Variants in GLIS3 observed in about 807,000 individuals in gnomAD.
GLIS3 encodes GLIS family zinc finger 3, also known as zinc finger protein GLIS3.
Under a neutral mutation model 78.6 loss-of-function variants are expected in GLIS3, and 53 were observed. That is an observed-to-expected ratio of 0.67 (90% CI 0.54 to 0.85). GLIS3 has a LOEUF of 0.85. GLIS3 is among the 40% of genes least tolerant of loss of function. GLIS3 has a pLI of 0.00. For missense variants in GLIS3, 1,703 were observed against 1,231.1 expected (o/e 1.38, Z -5.74); for synonymous variants, 684 against 509.9 (o/e 1.34, Z -4.60).
intron 4 of GLIS3, among the ~76,000 whole-genome samples, chr9:4,027,748 C>G (rs1287629908): frequency 6.6e-6 from 1 of 152,196 alleles, no homozygotes; most frequent in East Asian, 1.9e-4. Context: ...AGCCTCCTAA[C>G]CAGTCCATTA....
the GLIS3 span, among the ~76,000 whole-genome samples, chr9:4,358,385 C>G: frequency 6.6e-6 from 1 of 152,052 alleles, no homozygotes; most frequent in Admixed American, 6.5e-5. Context: ...AGGTACCAAG[C>G]AATGTCCCAA....
chr9:4,363,251 C>T, the GLIS3 span, among the ~76,000 whole-genome samples: 101 of 152,166 alleles, frequency 6.6e-4, 1 homozygote, highest in African/African-American at 2.2e-3. Flanking sequence ...GGTAAAACCC[C>T]GTCTCTACTA....
Position 3,851,597 on chromosome 9 carries a change from G to A in GLIS3, c.2473+4412C>T, listed in dbSNP as rs75671853. 5.9e-3 allele frequency among the ~76,000 whole-genome samples: 896 copies of A among 152,192 alleles called. 10 individuals carry two copies. The highest frequency in any genetic ancestry group is 0.018 in the African/African-American group (729 of 41,508). The stretch of plus-strand genomic sequence containing the variant: ...CAAAGTGTGCCTTTTACAAAATGCC[G>A]CAACAAAAATATAGGGAGAGCACAC... On this transcript the variant is annotated intron_variant, in intron 9 of 10. Coordinates refer to ENST00000381971, the MANE Select transcript of GLIS3 (RefSeq NM_001042413.2).
intron 4 of GLIS3, among the ~76,000 whole-genome samples, chr9:4,078,265 G>A (rs1828244770): frequency 6.6e-6 from 1 of 152,088 alleles, no homozygotes; most frequent in Non-Finnish European, 1.5e-5. Flanking sequence ...AAGCAGTGGT[G>A]CTTTGGCTAA....
intron 2 of GLIS3, among the ~76,000 whole-genome samples, chr9:4,199,655 A>C (rs568373989): frequency 3.3e-5 from 5 of 152,200 alleles, no homozygotes; most frequent in South Asian, 2.1e-4. Context: ...CATACTCATA[A>C]AACAAGTACT....
chr9:4,138,463 C>A (rs1267694295), intron 2 of GLIS3, among the ~76,000 whole-genome samples: 1 of 152,158 alleles, frequency 6.6e-6, no homozygotes, highest in Non-Finnish European at 1.5e-5. Context: ...AGGAAAAGAT[C>A]TGAATACACT....
At chr9:4,168,624 T>A (rs1480331998) in intron 2 of GLIS3, among the ~76,000 whole-genome samples, 1 of 152,232 alleles carries the variant, frequency 6.6e-6, no homozygotes, top group African/African-American at 2.4e-5. Flanking sequence ...AATAAAAACA[T>A]TTTGAGAAAT....
intron 4 of GLIS3, among the ~76,000 whole-genome samples, chr9:4,110,310 T>C (rs545513055): frequency 2.0e-5 from 3 of 152,326 alleles, no homozygotes; most frequent in African/African-American, 7.2e-5. Context: ...CTCACCCTAA[T>C]TGTAGAGCAT....
intron 4 of GLIS3, among the ~76,000 whole-genome samples, chr9:4,069,635 C>G (rs1435239525): frequency 6.6e-6 from 1 of 152,010 alleles, no homozygotes; most frequent in African/African-American, 2.4e-5. Flanking sequence ...TGCCTACCTT[C>G]AGATTGAGGT....
chr9:4,091,249 C>T (rs1829474524), intron 4 of GLIS3, among the ~76,000 whole-genome samples: 1 of 151,804 alleles, frequency 6.6e-6, no homozygotes, highest in African/African-American at 2.4e-5. Flanking sequence ...CATCTGTAGT[C>T]CCAGCTACTT....
chr9:4,043,377 G>A (rs1824988590), intron 4 of GLIS3, among the ~76,000 whole-genome samples: 2 of 152,064 alleles, frequency 1.3e-5, no homozygotes, highest in African/African-American at 4.8e-5. Flanking sequence ...TATTTTCTAA[G>A]AATTAAGGCA....
At chr9:4,037,542 C>CAA (rs1824425191) in intron 4 of GLIS3, among the ~76,000 whole-genome samples, 3 of 95,414 alleles carry the variant, frequency 3.1e-5, no homozygotes, top group Admixed American at 2.7e-4. Context: ...GATGTGTGTG[C>CAA]ACACAACACA....
At chr9:3,871,553 C>G (rs994482104) in intron 8 of GLIS3, among the ~76,000 whole-genome samples, 1 of 152,186 alleles carries the variant, frequency 6.6e-6, no homozygotes, top group Non-Finnish European at 1.5e-5. Flanking sequence ...TTCTGTGTAC[C>G]CGCAGGCTCA....
intron 4 of GLIS3, among the ~76,000 whole-genome samples, chr9:4,036,425 T>C (rs1010714079): frequency 6.6e-6 from 1 of 152,062 alleles, no homozygotes; most frequent in African/African-American, 2.4e-5. Context: ...AAATAAAGAG[T>C]GGGTTTTTGA....
At chr9:3,913,253 C>A (rs982384608) in intron 6 of GLIS3, among the ~76,000 whole-genome samples, 1 of 152,132 alleles carries the variant, frequency 6.6e-6, no homozygotes, top group African/African-American at 2.4e-5. Flanking sequence ...AGTATTTGGA[C>A]AATTTTAAAA....
intron 4 of GLIS3, among the ~76,000 whole-genome samples, chr9:3,944,991 T>C (rs1221085552): frequency 6.6e-6 from 1 of 152,234 alleles, no homozygotes; most frequent in Admixed American, 6.5e-5. Context: ...AGACAACTGA[T>C]GCAGTCCCAC....
the GLIS3 span, among the ~76,000 whole-genome samples, chr9:4,432,437 G>T: frequency 6.6e-6 from 1 of 152,042 alleles, no homozygotes; most frequent in African/African-American, 2.4e-5. Context: ...GTTCAGTTTG[G>T]CCATAACACA....
chr9:4,185,475 G>C lies in GLIS3; in HGVS notation c.389-59534C>G, dbSNP rs537423925. Among the ~76,000 whole-genome samples, 16 of 152,282 alleles carry C rather than the reference G, an allele frequency of 1.1e-4. No individual in the cohort carries two copies. In the South Asian group the frequency reaches 3.3e-3, roughly 32 times the overall value. ...TATACTTTTTTGTAGGGAGAAAAAAGTGGTAGAATATCAACAATTCTAAGA... is the reference window on the plus strand; with the variant it reads ...TATACTTTTTTGTAGGGAGAAAAAACTGGTAGAATATCAACAATTCTAAGA... On this transcript the variant is annotated intron_variant, in intron 2 of 10. Coordinates refer to ENST00000381971, the MANE Select transcript of GLIS3 (RefSeq NM_001042413.2).
intron 2 of GLIS3, among the ~76,000 whole-genome samples, chr9:4,212,562 A>G (rs1355220609): frequency 6.6e-6 from 1 of 152,258 alleles, no homozygotes; most frequent in Non-Finnish European, 1.5e-5. Flanking sequence ...GAAGACACAC[A>G]TGGCACACAG....
Sources: allele counts gnomAD v4.1 joint callset (sites outside exome capture counted in the v4.1 genomes callset), GRCh38; gene constraint gnomAD v4.1.1; transcripts MANE v1.5; gene names NCBI Gene and HGNC (gene_info 2026-07-23, HGNC 2026-07-21).